Variants in KIAA1549L observed in about 807,000 individuals in gnomAD.
KIAA1549L encodes KIAA1549 like, also known as UPF0606 protein KIAA1549L.
Under a neutral mutation model 160.7 loss-of-function variants are expected in KIAA1549L, and 88 were observed. The ratio of observed to expected loss-of-function variants is 0.55; its 90% CI spans 0.46 to 0.65. KIAA1549L has a LOEUF of 0.65. Ranked by LOEUF, KIAA1549L falls within the 30% of genes least tolerant of loss-of-function variation. The pLI, the probability that KIAA1549L is intolerant of heterozygous loss-of-function variation, is 0.00. For synonymous variants in KIAA1549L, 950 were observed against 976.7 expected (o/e 0.97, Z 0.51); for missense variants, 2,258 against 2,437.5 (o/e 0.93, Z 1.55).
Position 33,583,326 on chromosome 11 carries a change from T to C in KIAA1549L, c.4403-12T>C, listed in dbSNP as rs1484775316. ...TGCTTGTCATGTCCCTCCTGCTGGC[T>C]CTTTCCCACAGCCGTGGTGAAGAAC... On this transcript the variant is annotated splice_polypyrimidine_tract_variant and intron_variant, in intron 10 of 20. Transcript: ENST00000658780. The C allele has an allele frequency of 1.7e-5, 27 of 1,596,106 alleles. No individual in the cohort carries two copies. The highest frequency in any genetic ancestry group is 2.3e-5 in the Non-Finnish European group (27 of 1,171,176).
intron 16 of KIAA1549L, among the ~76,000 whole-genome samples, chr11:33,631,574 C>T (rs879546289): frequency 3.9e-5 from 6 of 152,284 alleles, no homozygotes; most frequent in East Asian, 3.9e-4. Flanking sequence ...AACCAAAATA[C>T]GTCTCCAGGC....
chr11:33,535,857 T>G (rs1590319170), intron 1 of KIAA1549L, among the ~76,000 whole-genome samples: 1 of 152,172 alleles, frequency 6.6e-6, no homozygotes, highest in Non-Finnish European at 1.5e-5. Flanking sequence ...CTCTGTAATT[T>G]GGTTTTGCCC....
chr11:33,656,407 C>G (rs892344896), intron 18 of KIAA1549L, among the ~76,000 whole-genome samples: 1 of 152,180 alleles, frequency 6.6e-6, no homozygotes, highest in Non-Finnish European at 1.5e-5. Flanking sequence ...AAAAATGACT[C>G]CAGCTCAGGC....
In KIAA1549L at chr11:33,376,818, C is replaced by G. The variant is rs918643673; in HGVS notation, c.167C>G (p.Pro56Arg). 1 of 152,120 alleles carries G rather than the reference C, an allele frequency of 6.6e-6. No individual in the cohort carries two copies. The highest frequency in any genetic ancestry group is 1.5e-5 in the Non-Finnish European group (1 of 68,104). 9.4% of individuals were successfully genotyped at this position (152,120 alleles called of 1,614,324 possible). A position where few individuals can be genotyped will look rare whatever the true frequency, so the allele number is the denominator to read the frequency against. The part of the protein sequence containing the change: ...PGAGASHDAP[P>R]RPPTLLLGLL... ...GCCGGCGCGTCCCACGATGCGCCCC[C>G]GCGGCCACCGACGCTGCTGCTGGGA... The change falls in exon 1 of 21, where the codon CCG becomes CGG. Residue 56 changes from proline to arginine, a missense_variant. Around this residue, in one of 6 missense-constraint regions of KIAA1549L, gnomAD observed 540 missense variants for 465.7 expected, o/e 1.16. Coordinates refer to ENST00000658780, the MANE Select transcript of KIAA1549L (RefSeq NM_012194.3). This position sits in a 1 kb window ranked among gnomAD's most constrained non-coding sequence, Gnocchi z 5.8.
chr11:33,605,340 T>G (rs186969708), intron 13 of KIAA1549L, among the ~76,000 whole-genome samples: 3 of 152,284 alleles, frequency 2.0e-5, no homozygotes, highest in Admixed American at 2.0e-4. Context: ...CATAGATGGC[T>G]TGTATAGCAA....
intron 15 of KIAA1549L, among the ~76,000 whole-genome samples, chr11:33,616,139 A>G (rs1452473192): frequency 6.6e-6 from 1 of 152,232 alleles, no homozygotes; most frequent in Non-Finnish European, 1.5e-5. Flanking sequence ...ATTGAGCATT[A>G]TTGAAAGGTC....
chr11:33,658,873 G>A lies in KIAA1549L; in HGVS notation c.5982G>A (p.Leu1994=). The A allele has an allele frequency of 3.2e-6, 5 of 1,558,908 alleles. No homozygotes were observed. The highest frequency in any genetic ancestry group is 1.4e-5 in the African/African-American group (1 of 73,372). The change falls in exon 19 of 21, where the codon TTG becomes TTA. Residue 1994 remains leucine, a synonymous_variant. Transcript: ENST00000658780. Reference sequence around the variant, plus strand: ...GAGGCCCTGTGTCCGTGACGCAGTTGGATCAGTCGGCTTTAAATTACTCAG... The same window carrying A: ...GAGGCCCTGTGTCCGTGACGCAGTTAGATCAGTCGGCTTTAAATTACTCAG... ...MSRGPVSVTQ[L]DQSALNYSGN...
intron 1 of KIAA1549L, among the ~76,000 whole-genome samples, chr11:33,436,827 A>T (rs1483884309): frequency 6.6e-6 from 1 of 152,134 alleles, no homozygotes; most frequent in East Asian, 1.9e-4. Flanking sequence ...AGGGCAGGAA[A>T]GGGGAGAAGT....
chr11:33,429,147 T>C (rs1015063719), intron 1 of KIAA1549L, among the ~76,000 whole-genome samples: 1 of 152,150 alleles, frequency 6.6e-6, no homozygotes, highest in African/African-American at 2.4e-5. Context: ...AATTTTTGTA[T>C]TTTTGGTAGA....
chr11:33,512,279 T>C (rs979619322), intron 1 of KIAA1549L, among the ~76,000 whole-genome samples: 5 of 152,230 alleles, frequency 3.3e-5, no homozygotes, highest in African/African-American at 1.2e-4. Flanking sequence ...AAAATAATTT[T>C]GCAGCAGTGG....
chr11:33,602,748 A>G (rs1194654422), intron 13 of KIAA1549L, among the ~76,000 whole-genome samples: 1 of 152,152 alleles, frequency 6.6e-6, no homozygotes, highest in Non-Finnish European at 1.5e-5. Context: ...ATCCCCATGA[A>G]CCTGCTGTGT....
chr11:33,426,129 A>G (rs896998300), intron 1 of KIAA1549L, among the ~76,000 whole-genome samples: 2 of 152,234 alleles, frequency 1.3e-5, no homozygotes, highest in Non-Finnish European at 2.9e-5. Context: ...AATAAGGTCT[A>G]GAGTAGTTAA....
intron 1 of KIAA1549L, among the ~76,000 whole-genome samples, chr11:33,507,157 C>T (rs1249715615): frequency 6.6e-6 from 1 of 152,162 alleles, no homozygotes; most frequent in Non-Finnish European, 1.5e-5. Flanking sequence ...CCACCAAATC[C>T]CTTGCTGCTA....
intron 1 of KIAA1549L, among the ~76,000 whole-genome samples, chr11:33,462,692 TCTTAACTTCC>T (rs1197047159): frequency 6.6e-6 from 1 of 152,230 alleles, no homozygotes; most frequent in Non-Finnish European, 1.5e-5. Flanking sequence ...TCAGCAAATT[TCTTAACTTCC>T]CTGTTTTCCA....
intron 16 of KIAA1549L, among the ~76,000 whole-genome samples, chr11:33,640,660 C>T (rs10742298): frequency 1.3e-5 from 2 of 152,090 alleles, no homozygotes; most frequent in South Asian, 2.1e-4. Context: ...ATGTGCACGA[C>T]GTAAAAATGT....
chr11:33,490,801 G>C (rs576936753), intron 1 of KIAA1549L, among the ~76,000 whole-genome samples: 10 of 152,284 alleles, frequency 6.6e-5, no homozygotes, highest in South Asian at 2.1e-4. Context: ...TAAAATGCCC[G>C]TGAATTACCT....
At chr11:33,642,624 CAGGTAATTGGAATGAGTCAGGGTAGAGT>C (rs1851618002) in intron 16 of KIAA1549L, among the ~76,000 whole-genome samples, 6 of 151,556 alleles carry the variant, frequency 4.0e-5, no homozygotes, top group African/African-American at 2.4e-5. Context: ...TATGACAGAG[CAGGTAATTGGAATGAGTCAGGGTAGAGT>C]AGGTAATCAG....
At chr11:33,452,624 A>G (rs957604363) in intron 1 of KIAA1549L, among the ~76,000 whole-genome samples, 1 of 152,062 alleles carries the variant, frequency 6.6e-6, no homozygotes, top group Non-Finnish European at 1.5e-5. Context: ...ATATGTATGT[A>G]TGTATGTATG....
intron 6 of KIAA1549L, 98 bp downstream of exon 6, chr11:33,552,339 G>A (rs759057977): frequency 3.1e-6 from 4 of 1,309,750 alleles, no homozygotes; most frequent in Non-Finnish European, 4.2e-6. Flanking sequence ...GAGCTACCAT[G>A]TATAAATGTA....
Sources: allele counts gnomAD v4.1 joint callset (sites outside exome capture counted in the v4.1 genomes callset), GRCh38; gene constraint gnomAD v4.1.1; regional missense constraint gnomAD v4.1.1; non-coding constraint Gnocchi (gnomAD v3.1); transcripts MANE v1.5; gene names NCBI Gene and HGNC (gene_info 2026-07-23, HGNC 2026-07-21).